Variants in SDK1 observed in about 807,000 individuals in gnomAD.
The protein encoded by SDK1 is protein sidekick-1.
SDK1 carries 157 observed loss-of-function variants against 245.5 expected under a neutral mutation model. The ratio of observed to expected loss-of-function variants is 0.64; its 90% CI spans 0.56 to 0.73. The LOEUF is 0.73. SDK1 is among the 30% of genes least tolerant of loss of function. The probability of loss-of-function intolerance (pLI) is 0.00; values close to 1 mark genes in which losing one functional copy is unlikely to be tolerated. For missense variants in SDK1, 3,583 were observed against 3,002.3 expected, an observed-to-expected ratio of 1.19 and a Z score of -4.52; for synonymous variants, 1,647 against 1,278.5, an observed-to-expected ratio of 1.29 and a Z score of -6.15.
At chr7:3,854,557 G>T (rs374086176) in intron 5 of SDK1, among the ~76,000 whole-genome samples, 1 of 152,142 alleles carries the variant, frequency 6.6e-6, no homozygotes, top group East Asian at 1.9e-4. Flanking sequence ...CCAACACGAA[G>T]ATCTTTCAAT....
At chr7:3,531,870 C>A (rs1311011595) in intron 1 of SDK1, among the ~76,000 whole-genome samples, 1 of 152,100 alleles carries the variant, frequency 6.6e-6, no homozygotes, top group Non-Finnish European at 1.5e-5. Context: ...AATAAGCTGT[C>A]TAGAAATTAA....
intron 1 of SDK1, among the ~76,000 whole-genome samples, chr7:3,343,830 G>T (rs73048624): frequency 0.1 from 15,680 of 152,146 alleles, 1,014 homozygotes; most frequent in African/African-American, 0.18. Flanking sequence ...AGATGAAAGT[G>T]AAGAGATGGG....
chr7:3,458,555 C>G (rs183098859), intron 1 of SDK1, among the ~76,000 whole-genome samples: 256 of 151,084 alleles, frequency 1.7e-3, no homozygotes, highest in African/African-American at 6.1e-3. Context: ...TTTTTTGTAC[C>G]TTTTCTAAGG....
At chr7:3,938,898 TA>T (rs148382843) in intron 5 of SDK1, among the ~76,000 whole-genome samples, 1 of 152,364 alleles carries the variant, frequency 6.6e-6, no homozygotes, top group East Asian at 1.9e-4. Context: ...CATTCTTTGT[TA>T]CCTTCCATTC....
chr7:3,865,283 G>A (rs1780793919), intron 5 of SDK1, among the ~76,000 whole-genome samples: 1 of 152,192 alleles, frequency 6.6e-6, no homozygotes, highest in African/African-American at 2.4e-5. Flanking sequence ...GTGAGAATGG[G>A]TTGGCCTAAA....
chr7:4,061,702 A>C (rs1392463722), intron 19 of SDK1, among the ~76,000 whole-genome samples: 2 of 152,130 alleles, frequency 1.3e-5, no homozygotes, highest in Admixed American at 6.5e-5. Flanking sequence ...TTGCTGCACT[A>C]TTCACAATAG....
At chr7:4,232,023 AT>A (rs1375653998) in intron 40 of SDK1, among the ~76,000 whole-genome samples, 1 of 148,242 alleles carries the variant, frequency 6.7e-6, no homozygotes, top group Non-Finnish European at 1.5e-5. Flanking sequence ...TCAAATGAAC[AT>A]TTTGGCCTCT....
chr7:3,395,699 AT>A (rs1562461254), intron 1 of SDK1, among the ~76,000 whole-genome samples: 1 of 151,878 alleles, frequency 6.6e-6, no homozygotes, highest in African/African-American at 2.4e-5. Flanking sequence ...GAGATTTTCT[AT>A]TCCTTCTTTA....
intron 1 of SDK1, among the ~76,000 whole-genome samples, chr7:3,505,298 G>A (rs1285463788): frequency 6.6e-6 from 1 of 152,104 alleles, no homozygotes; most frequent in African/African-American, 2.4e-5. Context: ...CCAGTTTAGA[G>A]TGCAGTTGCA....
At chr7:4,092,088 G>C (rs918570062) in intron 22 of SDK1, among the ~76,000 whole-genome samples, 3 of 152,190 alleles carry the variant, frequency 2.0e-5, no homozygotes, top group African/African-American at 7.2e-5. Context: ...TCACTTTCTA[G>C]CTGTGAGGCT....
chr7:4,073,143 C>G (rs372387075), intron 20 of SDK1, among the ~76,000 whole-genome samples: 15 of 152,294 alleles, frequency 9.8e-5, no homozygotes, highest in African/African-American at 3.4e-4. Context: ...GGAGGTACCC[C>G]CGCTCCTGGC....
At chr7:4,065,691 G>GTTTTTTCTTTTTT (rs1562755417) in intron 19 of SDK1, among the ~76,000 whole-genome samples, 2 of 29,472 alleles carry the variant, frequency 6.8e-5, no homozygotes, top group African/African-American at 3.4e-4. Flanking sequence ...ATGAGTGGTT[G>GTTTTTTCTTTTTT]TTGTTTTTTT....
At chr7:3,670,385 G>A (rs939610708) in intron 4 of SDK1, among the ~76,000 whole-genome samples, 6 of 152,196 alleles carry the variant, frequency 3.9e-5, no homozygotes, top group Non-Finnish European at 8.8e-5. Flanking sequence ...TTAGTTTCCC[G>A]GATCAGATAC....
At chr7:4,136,359 C>T (rs779429533) in intron 28 of SDK1, among the ~76,000 whole-genome samples, 9 of 152,160 alleles carry the variant, frequency 5.9e-5, no homozygotes, top group Non-Finnish European at 5.9e-5. Flanking sequence ...AACATCTTTT[C>T]GTCTGACTCA....
chr7:3,339,629 A>C (rs1174078389), intron 1 of SDK1, among the ~76,000 whole-genome samples: 1 of 148,372 alleles, frequency 6.7e-6, no homozygotes, highest in African/African-American at 2.5e-5. Context: ...AAAATTTCTA[A>C]ATAACACATT....
chr7:3,387,752 A>G (rs973318763), intron 1 of SDK1, among the ~76,000 whole-genome samples: 1 of 152,234 alleles, frequency 6.6e-6, no homozygotes, highest in Non-Finnish European at 1.5e-5. Flanking sequence ...CCACAATAAA[A>G]ATGGAAAAAT....
intron 7 of SDK1, among the ~76,000 whole-genome samples, chr7:3,952,487 G>A (rs981858190): frequency 2.6e-5 from 4 of 152,008 alleles, no homozygotes; most frequent in African/African-American, 9.7e-5. Flanking sequence ...GGAGGCGGAG[G>A]CACGAGAATC....
chr7:3,611,246 A>G (rs537769058), intron 1 of SDK1, among the ~76,000 whole-genome samples: 4 of 152,236 alleles, frequency 2.6e-5, no homozygotes, highest in Non-Finnish European at 4.4e-5. Flanking sequence ...AGCTAAAGAA[A>G]CAAAGCCTGG....
At chr7:3,526,707 G>A (rs942763528) in intron 1 of SDK1, among the ~76,000 whole-genome samples, 3 of 152,026 alleles carry the variant, frequency 2.0e-5, no homozygotes, top group African/African-American at 7.2e-5. Context: ...CCATCAATCT[G>A]TCTCATTTGT....
Sources: allele counts gnomAD v4.1 joint callset (sites outside exome capture counted in the v4.1 genomes callset), GRCh38; gene constraint gnomAD v4.1.1; transcripts MANE v1.5; gene names NCBI Gene and HGNC (gene_info 2026-07-23, HGNC 2026-07-21).